RASAL2: variants seen among roughly 807,000 people sequenced by gnomAD.
RASAL2 encodes RAS protein activator like 2.
RASAL2 carries 58 observed loss-of-function variants against 128.9 expected under a neutral mutation model. The observed-to-expected ratio is 0.45, with a 90% CI of 0.36 to 0.56. RASAL2 has a LOEUF of 0.56. RASAL2 is among the 20% of genes least tolerant of loss of function. The pLI is 0.00. For missense variants in RASAL2, 1,360 were observed against 1,601.6 expected, an observed-to-expected ratio of 0.85 and a Z score of 2.57; for synonymous variants, 561 against 580.8, an observed-to-expected ratio of 0.97 and a Z score of 0.49.
chr1:178,129,550 TTCTTGATG>T (rs1486819609), intron 1 of RASAL2, among the ~76,000 whole-genome samples: 1 of 152,154 alleles, frequency 6.6e-6, no homozygotes, highest in African/African-American at 2.4e-5. Context: ...GCCTGTTTAT[TTCTTGATG>T]TCTTTTGGAG....
intron 4 of RASAL2, among the ~76,000 whole-genome samples, chr1:178,406,548 T>C (rs1188517041): frequency 2.0e-5 from 3 of 152,164 alleles, no homozygotes; most frequent in Non-Finnish European, 2.9e-5. Flanking sequence ...TTGAAAAATA[T>C]TGACTTGTTT....
chr1:178,386,134 C>G (rs899015961), intron 3 of RASAL2, among the ~76,000 whole-genome samples: 3 of 152,224 alleles, frequency 2.0e-5, no homozygotes, highest in Non-Finnish European at 4.4e-5. Context: ...TGAACAGGAA[C>G]ATCCTCCACC....
intron 2 of RASAL2, among the ~76,000 whole-genome samples, chr1:178,299,370 T>C (rs564734069): frequency 2.0e-5 from 3 of 152,200 alleles, no homozygotes; most frequent in African/African-American, 4.8e-5. Context: ...GTTTCTGATA[T>C]AGAAAAACAT....
chr1:178,268,486 T>G (rs1232688832), intron 1 of RASAL2, among the ~76,000 whole-genome samples: 1 of 151,612 alleles, frequency 6.6e-6, no homozygotes, highest in Non-Finnish European at 1.5e-5. Flanking sequence ...GAAAAAAAAT[T>G]AGCTGGGTGT....
intron 3 of RASAL2, among the ~76,000 whole-genome samples, chr1:178,361,962 G>C (rs911109118): frequency 6.6e-6 from 1 of 151,954 alleles, no homozygotes; most frequent in African/African-American, 2.4e-5. Flanking sequence ...GTTTACAATA[G>C]GGTATGTGCT....
At chr1:178,315,006 T>C (rs1333599650) in intron 3 of RASAL2, among the ~76,000 whole-genome samples, 2 of 147,434 alleles carry the variant, frequency 1.4e-5, no homozygotes, top group African/African-American at 2.5e-5. Flanking sequence ...GATCTCATTG[T>C]TCAGTTCCCA....
intron 3 of RASAL2, among the ~76,000 whole-genome samples, chr1:178,355,150 T>C (rs1160316289): frequency 6.6e-6 from 1 of 152,202 alleles, no homozygotes; most frequent in African/African-American, 2.4e-5. Context: ...TCTTTCTAGG[T>C]ATCTATATAT....
At chr1:178,313,229 C>A (rs1557894673) in intron 3 of RASAL2, among the ~76,000 whole-genome samples, 2 of 152,148 alleles carry the variant, frequency 1.3e-5, no homozygotes, top group Non-Finnish European at 2.9e-5. Flanking sequence ...TATGCACCTA[C>A]TGGGATGGTG....
At chr1:178,296,123 A>G (rs113128500) in intron 2 of RASAL2, among the ~76,000 whole-genome samples, 3 of 107,982 alleles carry the variant, frequency 2.8e-5, no homozygotes, top group Admixed American at 9.6e-5. Context: ...GTGTATATAT[A>G]TGTGTATATA....
At chr1:178,313,965 G>C (rs144267986) in intron 3 of RASAL2, among the ~76,000 whole-genome samples, 8 of 152,244 alleles carry the variant, frequency 5.3e-5, no homozygotes, top group Admixed American at 1.3e-4. Flanking sequence ...CTTCAGGAAT[G>C]TTTTAAGAAG....
intron 2 of RASAL2, among the ~76,000 whole-genome samples, chr1:178,286,103 G>A (rs1291398548): frequency 1.3e-5 from 2 of 152,032 alleles, no homozygotes; most frequent in African/African-American, 4.8e-5. Context: ...TCTCTTTTCT[G>A]ACACTGTCTT....
intron 1 of RASAL2, among the ~76,000 whole-genome samples, chr1:178,257,344 C>T (rs1372224861): frequency 1.3e-5 from 2 of 151,856 alleles, no homozygotes; most frequent in East Asian, 3.9e-4. Context: ...ATAAAAAGAA[C>T]ACTTCTTAAT....
chr1:178,273,777 G>C (rs1666367855), intron 1 of RASAL2, among the ~76,000 whole-genome samples: 1 of 152,180 alleles, frequency 6.6e-6, no homozygotes, highest in Admixed American at 6.5e-5. Flanking sequence ...CCGTATTAAA[G>C]AGAAAAACTA....
chr1:178,192,047 G>A (rs932499393), intron 1 of RASAL2, among the ~76,000 whole-genome samples: 13 of 152,150 alleles, frequency 8.5e-5, no homozygotes, highest in African/African-American at 3.1e-4. Context: ...TGGAGGTGAA[G>A]GAGCATATGG....
At chr1:178,452,061 A>G (rs1169631612) in intron 10 of RASAL2, among the ~76,000 whole-genome samples, 1 of 152,202 alleles carries the variant, frequency 6.6e-6, no homozygotes, top group Non-Finnish European at 1.5e-5. Context: ...CTCTAACTCC[A>G]GCAATTGGCG....
Position 178,478,670 on chromosome 1 carries a change from T to C in RASAL2, c.*5431T>C, listed in dbSNP as rs1648842577. 1 of 152,258 alleles carries C rather than the reference T, an allele frequency of 6.6e-6. No individual in the cohort carries two copies. Among genetic ancestry groups the C allele is most frequent in the Admixed American group, 6.5e-5 (1 of 15,284 alleles). The allele number at this position is 152,258 out of a possible 1,614,324, so 9.4% of individuals were successfully genotyped here. ...GCCATATTTTTGTGCTAGTAGCATTTAGATTATTCCGTATGTGAGATCCGT... is the reference window on the plus strand; with the variant it reads ...GCCATATTTTTGTGCTAGTAGCATTCAGATTATTCCGTATGTGAGATCCGT... On this transcript the variant is annotated 3_prime_UTR_variant, in exon 18 of 18. Coordinates refer to ENST00000367649, the MANE Select transcript of RASAL2 (RefSeq NM_170692.4).
intron 3 of RASAL2, among the ~76,000 whole-genome samples, chr1:178,361,984 C>A (rs537467372): frequency 3.9e-4 from 60 of 152,178 alleles, no homozygotes; most frequent in African/African-American, 1.4e-3. Flanking sequence ...CTGTGAGAAT[C>A]TGATGCCACC....
chr1:178,440,300 A>G (rs943401022), intron 6 of RASAL2, among the ~76,000 whole-genome samples: 9 of 152,042 alleles, frequency 5.9e-5, no homozygotes, highest in Admixed American at 5.9e-4. Context: ...ATGTTGTAGA[A>G]GTCAAAAGAT....
At chr1:178,198,856 C>CA (rs1489136322) in intron 1 of RASAL2, among the ~76,000 whole-genome samples, 1 of 152,194 alleles carries the variant, frequency 6.6e-6, no homozygotes, top group African/African-American at 2.4e-5. Flanking sequence ...TCAGAGCTGT[C>CA]AGACAGGAAC....
Sources: gnomAD v4.1 joint callset for allele counts (sites outside exome capture counted in the v4.1 genomes callset) on GRCh38, gnomAD v4.1.1 for gene constraint, MANE v1.5 for transcripts, NCBI Gene and HGNC (gene_info 2026-07-23, HGNC 2026-07-21) for gene names.